Variants in TSNAX observed in about 807,000 individuals in gnomAD.
The protein encoded by TSNAX is translin-associated protein X.
In TSNAX, 12 loss-of-function variants were observed where a neutral mutation model predicts 33.0. The observed-to-expected ratio is 0.36, with a 90% CI of 0.23 to 0.59. The LOEUF is 0.59. Ranked by LOEUF, TSNAX falls within the 20% of genes least tolerant of loss-of-function variation. TSNAX has a pLI of 0.74. For missense variants in TSNAX, 267 were observed against 341.3 expected (o/e 0.78, Z 1.72); for synonymous variants, 110 against 117.2 (o/e 0.94, Z 0.40).
intron 2 of TSNAX, 40 bp downstream of exon 2, chr1:231,529,399 C>A (rs1428234159): frequency 4.4e-6 from 7 of 1,589,912 alleles, no homozygotes; most frequent in Non-Finnish European, 6.0e-6. Flanking sequence ...GGGGAGAGAA[C>A]AAAATTATTT....
chr1:231,546,495 C>T (rs920478406), intron 4 of TSNAX, among the ~76,000 whole-genome samples: 3 of 152,072 alleles, frequency 2.0e-5, no homozygotes, highest in African/African-American at 7.2e-5. Flanking sequence ...TGAGTGCCCA[C>T]TGGAAAAATG....
intron 3 of TSNAX, among the ~76,000 whole-genome samples, chr1:231,538,587 T>A (rs568026326): frequency 3.9e-5 from 6 of 152,334 alleles, no homozygotes; most frequent in African/African-American, 1.4e-4. Flanking sequence ...GAAGACGGAT[T>A]GTTGTTACAA....
intron 3 of TSNAX, among the ~76,000 whole-genome samples, chr1:231,541,305 T>C (rs1402494119): frequency 1.3e-5 from 2 of 152,214 alleles, no homozygotes; most frequent in African/African-American, 4.8e-5. Context: ...TTTACTAAAA[T>C]TTGTGCATAC....
At chr1:231,548,598 G>A (rs569357119) in intron 4 of TSNAX, among the ~76,000 whole-genome samples, 1 of 152,328 alleles carries the variant, frequency 6.6e-6, no homozygotes, top group South Asian at 2.1e-4. Flanking sequence ...AGCAGAAAGG[G>A]AATAGTCTAG....
At chr1:231,552,180 G>T (rs1660356445) in intron 4 of TSNAX, among the ~76,000 whole-genome samples, 1 of 152,068 alleles carries the variant, frequency 6.6e-6, no homozygotes, top group African/African-American at 2.4e-5. Flanking sequence ...AGCTACTCGG[G>T]AGGCTGAGGC....
chr1:231,548,405 C>T (rs1189700369), intron 4 of TSNAX, among the ~76,000 whole-genome samples: 3 of 152,174 alleles, frequency 2.0e-5, no homozygotes, highest in Admixed American at 6.5e-5. Flanking sequence ...GACATCCTCC[C>T]TTCAAGTCTC....
At chr1:231,548,399 T>G (rs546966580) in intron 4 of TSNAX, among the ~76,000 whole-genome samples, 2 of 152,302 alleles carry the variant, frequency 1.3e-5, no homozygotes, top group African/African-American at 4.8e-5. Flanking sequence ...ACCTAGGACA[T>G]CCTCCCTTCA....
At chr1:231,543,832 CAG>C (rs759286593) in intron 4 of TSNAX, among the ~76,000 whole-genome samples, 24 of 152,182 alleles carry the variant, frequency 1.6e-4, no homozygotes, top group East Asian at 5.8e-4. Context: ...TTATTAATAT[CAG>C]GGGTTTATTT....
At chr1:231,532,131 AACAC>A (rs745744924) in intron 2 of TSNAX, among the ~76,000 whole-genome samples, 4,260 of 84,858 alleles carry the variant, frequency 0.05, 121 homozygotes, top group Non-Finnish European at 0.059. Flanking sequence ...TAGTGGTAAT[AACAC>A]ACACACACAC....
chr1:231,560,992 T>C, intron 4 of TSNAX, 136 bp from the exon 5 acceptor site: 2 of 802,050 alleles, frequency 2.5e-6, no homozygotes, highest in Non-Finnish European at 3.9e-6. Flanking sequence ...AAGTGTCTAG[T>C]CTAGTACTGG....
chr1:231,532,179 C>CACACACAA (rs1658792097), intron 2 of TSNAX, among the ~76,000 whole-genome samples: 1 of 96,104 alleles, frequency 1.0e-5, no homozygotes, highest in African/African-American at 3.9e-5. Flanking sequence ...CACACACACA[C>CACACACAA]ACACACAGTT....
At position 231,529,330 on chromosome 1, in the gene TSNAX, C is replaced by T; in HGVS notation, c.92C>T (p.Ser31Leu). Residue 31 changes from serine to leucine, a missense_variant, in exon 2 of 6, where the codon TCA (serine) becomes TTA (leucine). Coordinates refer to ENST00000366639, the MANE Select transcript of TSNAX (RefSeq NM_005999.3). The part of the protein sequence containing the change: ...NQRREGKDVN[S>L]SSPVMLAFKS... ...AGAAGAGAAGGGAAGGATGTTAATTCATCTTCACCCGTGATGTTGGCCTTT... is the reference window on the plus strand; with the variant it reads ...AGAAGAGAAGGGAAGGATGTTAATTTATCTTCACCCGTGATGTTGGCCTTT... The T allele has an allele frequency of 1.2e-6, 2 of 1,614,156 alleles. No homozygotes were observed. The highest frequency in any genetic ancestry group is 1.7e-6 in the Non-Finnish European group (2 of 1,180,020).
intron 5 of TSNAX, among the ~76,000 whole-genome samples, chr1:231,561,749 T>C (rs1300901534): frequency 6.6e-6 from 1 of 152,202 alleles, no homozygotes; most frequent in African/African-American, 2.4e-5. Flanking sequence ...CTTCTCACAG[T>C]GTGCTACAGG....
intron 5 of TSNAX, among the ~76,000 whole-genome samples, chr1:231,561,865 A>G (rs77312751): frequency 0.037 from 5,689 of 152,286 alleles, 142 homozygotes; most frequent in Middle Eastern, 0.058. Context: ...AATATACATT[A>G]TATACAGCAC....
chr1:231,564,301 T>C (rs1308748535), intron 5 of TSNAX, among the ~76,000 whole-genome samples: 1 of 152,240 alleles, frequency 6.6e-6, no homozygotes, highest in African/African-American at 2.4e-5. Flanking sequence ...TATCTTGAAG[T>C]CATCTGGTTC....
At chr1:231,530,182 C>T (rs1042411831) in intron 2 of TSNAX, among the ~76,000 whole-genome samples, 3 of 152,210 alleles carry the variant, frequency 2.0e-5, no homozygotes, top group Non-Finnish European at 4.4e-5. Flanking sequence ...TAATCTCAGA[C>T]ATCAGACACT....
chr1:231,550,604 T>C (rs201095087), intron 4 of TSNAX, among the ~76,000 whole-genome samples: 1 of 152,166 alleles, frequency 6.6e-6, no homozygotes, highest in Non-Finnish European at 1.5e-5. Context: ...AAGGGAGCCT[T>C]ATTGATAACC....
At chr1:231,546,475 G>A (rs537419474) in intron 4 of TSNAX, among the ~76,000 whole-genome samples, 7 of 152,280 alleles carry the variant, frequency 4.6e-5, no homozygotes, top group African/African-American at 1.7e-4. Context: ...TCAGCATATT[G>A]GCAAAATTGT....
chr1:231,531,951 T>C (rs1441993543), intron 2 of TSNAX, among the ~76,000 whole-genome samples: 1 of 151,836 alleles, frequency 6.6e-6, no homozygotes, highest in African/African-American at 2.4e-5. Flanking sequence ...ATGCTTATAG[T>C]CCTGGCTACT....
Sources: allele counts gnomAD v4.1 joint callset (sites outside exome capture counted in the v4.1 genomes callset), GRCh38; gene constraint gnomAD v4.1.1; transcripts MANE v1.5; gene names NCBI Gene and HGNC (gene_info 2026-07-23, HGNC 2026-07-21).